The following PLPPR1 variants were observed in gnomAD, a reference collection of about 807,000 sequenced individuals.
PLPPR1 encodes the protein phospholipid phosphatase related 1.
PLPPR1 carries 10 observed loss-of-function variants against 33.1 expected under a neutral mutation model. That is an observed-to-expected ratio of 0.30 (90% CI 0.19 to 0.51). The LOEUF (loss-of-function observed/expected upper bound fraction) is 0.51. PLPPR1 is among the 20% of genes least tolerant of loss of function. The probability of loss-of-function intolerance (pLI) is 0.97; values close to 1 mark genes in which losing one functional copy is unlikely to be tolerated. For synonymous variants in PLPPR1, 151 were observed against 151.0 expected, an observed-to-expected ratio of 1.00 and a Z score of 0.00; for missense variants, 304 against 408.1, an observed-to-expected ratio of 0.74 and a Z score of 2.20.
chr9:101,058,797 C>T (rs1830308943), intron 1 of PLPPR1, among the ~76,000 whole-genome samples: 1 of 152,036 alleles, frequency 6.6e-6, no homozygotes, highest in South Asian at 2.1e-4. Context: ...AGTTCCAAAG[C>T]ATTATACTAA....
intron 1 of PLPPR1, among the ~76,000 whole-genome samples, chr9:101,142,405 T>C (rs1055795646): frequency 4.6e-5 from 7 of 152,184 alleles, no homozygotes; most frequent in African/African-American, 1.7e-4. Flanking sequence ...GGCTTGTACT[T>C]AAATGTGGCC....
At position 101,205,881 on chromosome 9, in the gene PLPPR1, A is replaced by AGAGG. The variant is rs561163300; in HGVS notation, c.63+20325_63+20328dup. Reference sequence around the variant, plus strand: ...ACAAACATGAGTTTTACTAAAGCAAAGAGGTGCTGCTTACTTAGTTTTAGT... The same window carrying AGAGG: ...ACAAACATGAGTTTTACTAAAGCAAAGAGGGAGGTGCTGCTTACTTAGTTTTAGT... On this transcript the variant is annotated intron_variant, in intron 2 of 7. Transcript: ENST00000374874. Among the ~76,000 whole-genome samples, 18 of 152,332 alleles carry AGAGG rather than the reference A, an allele frequency of 1.2e-4. 1 individual carries two copies. In the South Asian group the frequency reaches 3.7e-3, roughly 32 times the overall value.
intron 1 of PLPPR1, among the ~76,000 whole-genome samples, chr9:101,089,134 G>C (rs1450969419): frequency 2.0e-5 from 3 of 152,056 alleles, no homozygotes; most frequent in Non-Finnish European, 4.4e-5. Flanking sequence ...TATTTGGCAG[G>C]CATTATGCTA....
intron 2 of PLPPR1, among the ~76,000 whole-genome samples, chr9:101,195,924 A>T (rs1446067216): frequency 7.2e-5 from 11 of 152,246 alleles, no homozygotes; most frequent in Non-Finnish European, 1.6e-4. Context: ...GCATAAGCCC[A>T]GGCAACCATT....
chr9:101,294,806 A>C (rs1828590626), intron 4 of PLPPR1, among the ~76,000 whole-genome samples: 1 of 152,054 alleles, frequency 6.6e-6, no homozygotes. Context: ...GTATCTCAAA[A>C]TAATAAGAGC....
chr9:101,299,391 C>G (rs1234330873), intron 4 of PLPPR1, among the ~76,000 whole-genome samples: 1 of 152,192 alleles, frequency 6.6e-6, no homozygotes, highest in African/African-American at 2.4e-5. Flanking sequence ...GGTACCATGA[C>G]TGGCCTAGAA....
At chr9:101,299,739 C>T (rs1462620413) in intron 4 of PLPPR1, among the ~76,000 whole-genome samples, 1 of 152,216 alleles carries the variant, frequency 6.6e-6, no homozygotes, top group African/African-American at 2.4e-5. Flanking sequence ...CATGACACTA[C>T]AGTGAACTTA....
At chr9:101,250,222 C>A (rs932666711) in intron 2 of PLPPR1, among the ~76,000 whole-genome samples, 1 of 152,022 alleles carries the variant, frequency 6.6e-6, no homozygotes, top group African/African-American at 2.4e-5. Flanking sequence ...GGGACTAATT[C>A]TGTCATGCCC....
At chr9:101,178,746 C>T (rs535669947) in intron 1 of PLPPR1, among the ~76,000 whole-genome samples, 4 of 152,182 alleles carry the variant, frequency 2.6e-5, no homozygotes, top group East Asian at 1.9e-4. Flanking sequence ...GCCAGAAGGC[C>T]ATGTATGCTC....
chr9:101,054,242 A>G (rs1830255873), intron 1 of PLPPR1, among the ~76,000 whole-genome samples: 1 of 152,184 alleles, frequency 6.6e-6, no homozygotes, highest in South Asian at 2.1e-4. Flanking sequence ...ATAGAATTCA[A>G]TATCAAAAAC....
At chr9:101,171,115 CAT>C (rs1209805506) in intron 1 of PLPPR1, among the ~76,000 whole-genome samples, 1 of 152,058 alleles carries the variant, frequency 6.6e-6, no homozygotes, top group Non-Finnish European at 1.5e-5. Flanking sequence ...GTGAACCAGA[CAT>C]ATAAGTTCAA....
intron 2 of PLPPR1, among the ~76,000 whole-genome samples, chr9:101,218,734 CT>C (rs1489937749): frequency 6.6e-6 from 1 of 152,170 alleles, no homozygotes; most frequent in East Asian, 1.9e-4. Flanking sequence ...CTTCTAACAG[CT>C]GTCTTTTAAA....
chr9:101,065,615 G>A (rs190821635), intron 1 of PLPPR1, among the ~76,000 whole-genome samples: 2 of 152,170 alleles, frequency 1.3e-5, no homozygotes, highest in Admixed American at 1.3e-4. Flanking sequence ...TCTCAGTAAA[G>A]TCTTCTCATG....
intron 3 of PLPPR1, among the ~76,000 whole-genome samples, chr9:101,283,774 A>G (rs1828342800): frequency 1.3e-5 from 2 of 152,218 alleles, no homozygotes; most frequent in Non-Finnish European, 2.9e-5. Context: ...TTATTAAAAT[A>G]TAAGAAAATC....
intron 2 of PLPPR1, among the ~76,000 whole-genome samples, chr9:101,191,933 A>G (rs909264770): frequency 2.0e-5 from 3 of 152,194 alleles, no homozygotes; most frequent in African/African-American, 7.2e-5. Context: ...GGTTGCTCAT[A>G]CTTGCAATTT....
At chr9:101,284,168 C>A (rs1204904368) in intron 3 of PLPPR1, among the ~76,000 whole-genome samples, 5 of 151,854 alleles carry the variant, frequency 3.3e-5, no homozygotes, top group Non-Finnish European at 7.4e-5. Context: ...ATAAGTATAT[C>A]AAAGAGATAT....
chr9:101,216,294 A>G (rs538724984), intron 2 of PLPPR1, among the ~76,000 whole-genome samples: 68 of 152,256 alleles, frequency 4.5e-4, no homozygotes, highest in African/African-American at 1.6e-3. Flanking sequence ...GAACACTTTT[A>G]AAATGTAACC....
intron 1 of PLPPR1, among the ~76,000 whole-genome samples, chr9:101,041,428 G>A (rs1390849498): frequency 6.6e-6 from 1 of 152,156 alleles, no homozygotes; most frequent in Non-Finnish European, 1.5e-5. Flanking sequence ...GAATCAAGGT[G>A]AGAAAATACC....
chr9:101,324,111 T>G lies in PLPPR1; in HGVS notation c.*54T>G. 2.1e-6 allele frequency: 3 copies of G among 1,450,194 alleles called. No individual in the cohort carries two copies. The highest frequency in any genetic ancestry group is 2.9e-6 in the Non-Finnish European group (3 of 1,034,514). 89.8% of individuals were successfully genotyped at this position (1,450,194 alleles called of 1,614,324 possible). On this transcript the variant is annotated 3_prime_UTR_variant, in exon 8 of 8. Transcript: ENST00000374874. ...TAAAATCATCTTCCAATTCTATACT[T>G]CAAAACACACAGTTGCTCAATGTCA...
Sources: gnomAD v4.1 joint callset for allele counts (sites outside exome capture counted in the v4.1 genomes callset) on GRCh38, gnomAD v4.1.1 for gene constraint, MANE v1.5 for transcripts, NCBI Gene and HGNC (gene_info 2026-07-23, HGNC 2026-07-21) for gene names.